Variants in TUT1 observed in about 807,000 individuals in gnomAD.
The protein encoded by TUT1 is terminal uridylyl transferase 1, U6 snRNA-specific.
In TUT1, 26 loss-of-function variants were observed where a neutral mutation model predicts 48.8. That is an observed-to-expected ratio of 0.53 (90% CI 0.39 to 0.74). TUT1 has a LOEUF of 0.74. Among genes scored for constraint, TUT1 ranks in the 30% least tolerant of loss-of-function variants. TUT1 has a pLI of 0.00. For missense variants in TUT1, 1,065 were observed against 1,114.8 expected, an observed-to-expected ratio of 0.96 and a Z score of 0.64; for synonymous variants, 470 against 460.8, an observed-to-expected ratio of 1.02 and a Z score of -0.26.
intron 5 of TUT1, 121 bp downstream of exon 5, chr11:62,578,440 G>A (rs1941766022): frequency 4.3e-6 from 4 of 922,180 alleles, no homozygotes; most frequent in South Asian, 1.8e-5. Flanking sequence ...AGCTACTTGG[G>A]AGGCTGAGGC....
At position 62,591,495 on chromosome 11, in the gene TUT1, C is replaced by A; in HGVS notation, c.-10G>T. 6.2e-7 allele frequency: 1 copy of A among 1,614,088 alleles called. No homozygotes were observed. Among genetic ancestry groups the A allele is most frequent in the Non-Finnish European group, 8.5e-7 (1 of 1,179,994 alleles). ...AATCCACCGCCGCCATAGCGACTCT[C>A]CTGTACCGACAAAAACACAAGCACC... is the stretch of plus-strand genomic sequence containing the variant. On this transcript the variant is annotated 5_prime_UTR_variant, in exon 1 of 9. Coordinates refer to ENST00000476907, the MANE Select transcript of TUT1 (RefSeq NM_022830.3).
At chr11:62,586,538 C>G (rs1474540531) in intron 2 of TUT1, among the ~76,000 whole-genome samples, 1 of 152,066 alleles carries the variant, frequency 6.6e-6, no homozygotes, top group African/African-American at 2.4e-5. Context: ...CAGCAGTTTG[C>G]GTGGCTGAGG....
intron 1 of TUT1, among the ~76,000 whole-genome samples, chr11:62,590,513 TG>T (rs968732476): frequency 2.6e-5 from 4 of 152,042 alleles, no homozygotes; most frequent in African/African-American, 9.6e-5. Flanking sequence ...GGCGGGTGCC[TG>T]TAGTCCCGGC....
Position 62,581,687 on chromosome 11 carries a change from A to G in TUT1, c.288T>C (p.Ile96=), listed in dbSNP as rs146827128. The G allele has an allele frequency of 2.7e-4, 394 of 1,462,952 alleles. 4 individuals carry two copies. The highest frequency in any genetic ancestry group is 1.7e-4 in the Admixed American group (6 of 35,930). The allele number at this position is 1,462,952 out of a possible 1,614,324, so 90.6% of individuals were successfully genotyped here. ...VMDKDKGVFA[I]VEMGDVGARE... ...GAGCACCCACGTCCCCCATCTCCACAATGGCAAACACTCCCTGGTAAACAA... is the reference window on the plus strand; with the variant it reads ...GAGCACCCACGTCCCCCATCTCCACGATGGCAAACACTCCCTGGTAAACAA... The change falls in exon 3 of 9, where the codon ATT becomes ATC. Residue 96 remains isoleucine (I), a synonymous_variant. Coordinates refer to ENST00000476907, the MANE Select transcript of TUT1 (RefSeq NM_022830.3).
At position 62,576,017 on chromosome 11, in the gene TUT1, G is replaced by A. The variant is rs928294458; in HGVS notation, c.1702C>T (p.Arg568Ter). ...RVAGRLQNCC[R>*]AAANYCRSLQ... is the part of the protein sequence containing the mutation. ...CTTCGGCAGTAATTGGCTGCTGCTC[G>A]GCAGCAGTTCTGTAGGCGCCCAGCC... The change falls in exon 9 of 9, where the codon CGA (arginine) becomes TGA (stop). Residue 568 changes from arginine (R) to a stop codon, truncating the protein, a stop_gained. Transcript: ENST00000476907. LOFTEE classifies it low-confidence loss of function (END_TRUNC). The A allele has an allele frequency of 1.1e-5, 17 of 1,613,630 alleles. No individual in the cohort carries two copies. The highest frequency in any genetic ancestry group is 5.0e-5 in the Admixed American group (3 of 60,004).
In TUT1 at chr11:62,575,149, T is replaced by A. The variant is rs1398944576; in HGVS notation, c.2570A>T (p.Asp857Val). 1 of 1,596,708 alleles carries A rather than the reference T, an allele frequency of 6.3e-7. No homozygotes were observed. The highest frequency in any genetic ancestry group is 1.1e-5 in the South Asian group (1 of 89,812). The change falls in exon 9 of 9, where the codon GAT becomes GTT. Residue 857 changes from aspartate to valine, a missense_variant. Transcript: ENST00000476907. ...GAAAACCTGTAAGAAATGATGGAGA[T>A]CAGGGAACAGGCCTTGGGGATCCTG... ...PLQDPQGLFP[D>V]LHHFLQVFLP...
At chr11:62,588,574 G>A (rs556693628) in intron 2 of TUT1, among the ~76,000 whole-genome samples, 1 of 152,220 alleles carries the variant, frequency 6.6e-6, no homozygotes, top group South Asian at 2.1e-4. Context: ...GGTGTGAGAA[G>A]CTCCCAAAGC....
rs762224955 is a variant in TUT1 at position 62,575,153 on chromosome 11, G to A, written c.2566C>T (p.Pro856Ser). Residue 856 changes from proline (P) to serine (S), a missense_variant, in exon 9 of 9, where the codon CCT becomes TCT. Transcript: ENST00000476907. ...ACCTGTAAGAAATGATGGAGATCAG[G>A]GAACAGGCCTTGGGGATCCTGGAGC... is the stretch of plus-strand genomic sequence containing the variant. ...TPLQDPQGLF[P>S]DLHHFLQVFL... The A allele has an allele frequency of 1.9e-6, 3 of 1,599,198 alleles. No individual in the cohort carries two copies. The highest frequency in any genetic ancestry group is 2.2e-5 in the South Asian group (2 of 90,126).
At chr11:62,585,626 G>A (rs1941899727) in intron 2 of TUT1, among the ~76,000 whole-genome samples, 2 of 152,114 alleles carry the variant, frequency 1.3e-5, no homozygotes, top group South Asian at 4.1e-4. Flanking sequence ...GACGCCAGGA[G>A]TTCCAGACCA....
rs1464102751 is a variant in TUT1, at chr11:62,591,486, A to G, written c.-1T>C. 1 of 1,611,592 alleles carries G rather than the reference A, an allele frequency of 6.2e-7. No individual in the cohort carries two copies. Among genetic ancestry groups the G allele is most frequent in the Non-Finnish European group, 8.5e-7 (1 of 1,178,908 alleles). On this transcript the variant is annotated 5_prime_UTR_variant, in exon 1 of 9. Transcript: ENST00000476907. Reference sequence around the variant, plus strand: ...CGACATCCGAATCCACCGCCGCCATAGCGACTCTCCTGTACCGACAAAAAC... The same window carrying G: ...CGACATCCGAATCCACCGCCGCCATGGCGACTCTCCTGTACCGACAAAAAC...
intron 6 of TUT1, 30 bp downstream of exon 6, chr11:62,577,152 A>G: frequency 1.2e-6 from 2 of 1,604,198 alleles, no homozygotes; most frequent in Non-Finnish European, 1.7e-6. Flanking sequence ...AGACCAACTC[A>G]GCCCCAAGTC....
Position 62,580,911 on chromosome 11 carries a change from T to A in TUT1, c.690+195A>T, listed in dbSNP as rs752421469. On this transcript the variant is annotated intron_variant, in intron 4 of 8. Transcript: ENST00000476907. ...AGGCGCGAGCCACTGCGCCTGGCCC[T>A]GTCAGTTCATTTTCATCCTATCTAA... Among the ~76,000 whole-genome samples, 24 of 152,112 alleles carry A rather than the reference T, an allele frequency of 1.6e-4. 1 individual carries two copies. The highest frequency in any genetic ancestry group is 1.2e-4 in the Non-Finnish European group (8 of 68,024).
chr11:62,588,318 T>C (rs939647968), intron 2 of TUT1, among the ~76,000 whole-genome samples: 1 of 151,652 alleles, frequency 6.6e-6, no homozygotes, highest in African/African-American at 2.4e-5. Flanking sequence ...TTTGGGGAGG[T>C]TGAGGTGCAC....
chr11:62,578,445 T>G, intron 5 of TUT1, 116 bp downstream of exon 5: 6 of 981,538 alleles, frequency 6.1e-6, no homozygotes, highest in Non-Finnish European at 8.9e-6. Flanking sequence ...CTTGGGAGGC[T>G]GAGGCAGGAG....
chr11:62,589,298 T>C, intron 1 of TUT1, 77 bp from the exon 2 acceptor site: 1 of 1,384,754 alleles, frequency 7.2e-7, no homozygotes. Context: ...CATACCTAAA[T>C]CTTACTGATC....
chr11:62,591,449 G>C lies in TUT1; in HGVS notation c.37C>G (p.Arg13Gly). The C allele has an allele frequency of 6.2e-7, 1 of 1,608,920 alleles. No individual in the cohort carries two copies. Among genetic ancestry groups the C allele is most frequent in the Middle Eastern group, 1.7e-4 (1 of 5,824 alleles). The change falls in exon 1 of 9, where the codon CGT becomes GGT. Residue 13 changes from arginine (R) to glycine (G), a missense_variant. Transcript: ENST00000476907. The stretch of plus-strand genomic sequence containing the variant: ...CAGAGGCAGCAGCGGAACCCCCCAC[G>C]CGGCAGCGATTCGACATCCGAATCC... Reference protein sequence around the residue: ...AVDSDVESLPRGGFRCCLCHV... With the variant: ...AVDSDVESLPGGGFRCCLCHV...
At position 62,581,622 on chromosome 11, in the gene TUT1, C is replaced by A; in HGVS notation, c.353G>T (p.Gly118Val). The A allele has an allele frequency of 1.3e-6, 2 of 1,577,240 alleles. No homozygotes were observed. Among genetic ancestry groups the A allele is most frequent in the Non-Finnish European group, 1.7e-6 (2 of 1,160,342 alleles). The change falls in exon 3 of 9, where the codon GGA becomes GTA. Residue 118 changes from glycine (G) to valine (V), a missense_variant. Coordinates refer to ENST00000476907, the MANE Select transcript of TUT1 (RefSeq NM_022830.3). Reference protein sequence around the residue: ...VLSQSQHSLGGHRLRVRPREQ... With the variant: ...VLSQSQHSLGVHRLRVRPREQ... ...CCGTGGGCGGACACGCAGGCGATGT[C>A]CTCCCAGGCTGTGCTGGGACTGTGA...
Position 62,581,413 on chromosome 11 carries a change from G to A in TUT1, c.562C>T (p.Gln188Ter), listed in dbSNP as rs745696589. The A allele has an allele frequency of 2.5e-6, 4 of 1,608,964 alleles. No individual in the cohort carries two copies. The highest frequency in any genetic ancestry group is 3.4e-6 in the Non-Finnish European group (4 of 1,178,130). ...QLRSLVVALM[Q>*]EVFTEFFPGC... ...GGGAAGAACTCTGTGAAGACCTCCT[G>A]CATCAGGGCCACCACTAGGCTGCGA... Residue 188 changes from glutamine to a stop codon, truncating the protein, a stop_gained, in exon 3 of 9, where the codon CAG becomes TAG. Transcript: ENST00000476907. LOFTEE classifies it high-confidence loss of function.
intron 4 of TUT1, 149 bp from the exon 5 acceptor site, chr11:62,579,179 T>C: frequency 1.9e-6 from 1 of 519,754 alleles, no homozygotes; most frequent in South Asian, 1.0e-4. Context: ...CCTTTTTTTT[T>C]TTAAAGATAA....
Sources: allele counts gnomAD v4.1 joint callset (sites outside exome capture counted in the v4.1 genomes callset), GRCh38; gene constraint gnomAD v4.1.1; transcripts MANE v1.5; gene names NCBI Gene and HGNC (gene_info 2026-07-23, HGNC 2026-07-21).